Variants in APP observed in about 807,000 individuals in gnomAD.
APP encodes the protein amyloid beta precursor protein.
Under a neutral mutation model 101.4 loss-of-function variants are expected in APP, and 31 were observed. The observed-to-expected ratio is 0.31, with a 90% CI of 0.23 to 0.41. APP has a LOEUF of 0.41. Ranked by LOEUF, APP falls within the 10% of genes least tolerant of loss-of-function variation. The pLI is 1.00. For synonymous variants in APP, 366 were observed against 364.4 expected, an observed-to-expected ratio of 1.00 and a Z score of -0.05; for missense variants, 839 against 1,003.7, an observed-to-expected ratio of 0.84 and a Z score of 2.22.
intron 2 of APP, among the ~76,000 whole-genome samples, chr21:26,097,175 G>A (rs886152564): frequency 6.6e-5 from 10 of 152,276 alleles, no homozygotes; most frequent in African/African-American, 2.2e-4. Context: ...ATCTCTGTGC[G>A]CAGACCATTC....
intron 3 of APP, among the ~76,000 whole-genome samples, chr21:26,056,312 A>G (rs766120060): frequency 1.4e-4 from 21 of 152,354 alleles, no homozygotes; most frequent in Non-Finnish European, 2.8e-4. Flanking sequence ...TGCCGGGATT[A>G]CAGACATGAG....
chr21:26,127,046 A>AC (rs1276795954), intron 1 of APP, among the ~76,000 whole-genome samples: 1 of 152,120 alleles, frequency 6.6e-6, no homozygotes, highest in Non-Finnish European at 1.5e-5. Context: ...AAGCAAGATA[A>AC]CCCCTTCAAC....
At chr21:26,088,586 C>G (rs571718586) in intron 3 of APP, among the ~76,000 whole-genome samples, 37 of 152,304 alleles carry the variant, frequency 2.4e-4, no homozygotes, top group African/African-American at 7.5e-4. Context: ...TGTTCAATCT[C>G]TGTGTGTTAT....
At chr21:26,126,951 A>G (rs1376431977) in intron 1 of APP, among the ~76,000 whole-genome samples, 4 of 151,212 alleles carry the variant, frequency 2.6e-5, no homozygotes, top group African/African-American at 9.8e-5. Context: ...TAAATCCTAC[A>G]AAATACAGCC....
chr21:25,998,607 T>G (rs1252647704), intron 7 of APP, among the ~76,000 whole-genome samples: 1 of 152,070 alleles, frequency 6.6e-6, no homozygotes, highest in Non-Finnish European at 1.5e-5. Context: ...GCAAAACAAT[T>G]TATATAATCC....
At chr21:26,056,463 A>G (rs2046045578) in intron 3 of APP, among the ~76,000 whole-genome samples, 1 of 152,188 alleles carries the variant, frequency 6.6e-6, no homozygotes. Context: ...CATCTGGCAG[A>G]AAATCTATCC....
chr21:25,892,967 A>AAT (rs2037796474), intron 16 of APP, among the ~76,000 whole-genome samples: 1 of 124,002 alleles, frequency 8.1e-6, no homozygotes, highest in African/African-American at 2.9e-5. Flanking sequence ...AAAAACAAAA[A>AAT]GGTTTCTGGT....
chr21:26,014,614 G>C (rs1235827098), intron 6 of APP, among the ~76,000 whole-genome samples: 2 of 152,192 alleles, frequency 1.3e-5, no homozygotes, highest in Non-Finnish European at 2.9e-5. Context: ...GGACAATGCA[G>C]ATATGGCTAG....
Position 25,997,436 on chromosome 21 carries a change from A to C in APP, c.1034-20T>G, listed in dbSNP as rs372561473. The C allele has an allele frequency of 6.2e-7, 1 of 1,600,838 alleles. No individual in the cohort carries two copies. The highest frequency in any genetic ancestry group is 8.6e-7 in the Non-Finnish European group (1 of 1,167,948). On this transcript the variant is annotated intron_variant, in intron 7 of 17. Transcript: ENST00000346798. ...GGGACACTATGGAAAAAATAAGAGA[A>C]CATAACTAAAAACAAAAAGAGAAAC...
intron 16 of APP, among the ~76,000 whole-genome samples, chr21:25,897,227 G>A (rs1375680384): frequency 2.6e-5 from 4 of 151,480 alleles, no homozygotes; most frequent in Admixed American, 2.0e-4. Context: ...AGTCTCCTGC[G>A]TCAGCCTCCC....
intron 1 of APP, among the ~76,000 whole-genome samples, chr21:26,119,564 TATTTA>T (rs1048335228): frequency 1.3e-5 from 2 of 152,218 alleles, no homozygotes; most frequent in Non-Finnish European, 2.9e-5. Context: ...ACCCTTACTT[TATTTA>T]ATGTGTATTT....
At chr21:26,133,055 G>A (rs1003356496) in intron 1 of APP, among the ~76,000 whole-genome samples, 2 of 152,048 alleles carry the variant, frequency 1.3e-5, no homozygotes, top group Admixed American at 1.3e-4. Flanking sequence ...TGGGCAACAT[G>A]GCAAAACCCC....
chr21:25,950,305 A>T (rs1181304716), intron 13 of APP, among the ~76,000 whole-genome samples: 2 of 151,738 alleles, frequency 1.3e-5, no homozygotes, highest in African/African-American at 4.8e-5. Flanking sequence ...GGTTTATAGG[A>T]CTTGGGCATT....
intron 13 of APP, among the ~76,000 whole-genome samples, chr21:25,921,560 C>G (rs368791564): frequency 1.4e-5 from 2 of 146,852 alleles, no homozygotes; most frequent in Non-Finnish European, 3.0e-5. Flanking sequence ...ACCGATCCCA[C>G]AGAAATACAA....
At chr21:26,021,484 A>T (rs2044335329) in intron 6 of APP, among the ~76,000 whole-genome samples, 1 of 152,168 alleles carries the variant, frequency 6.6e-6, no homozygotes, top group Non-Finnish European at 1.5e-5. Flanking sequence ...TCTAGGTGGT[A>T]ACAGACAATA....
At chr21:25,897,730 A>G (rs2038173633) in intron 15 of APP, 57 bp from the exon 16 acceptor site, 1 of 1,428,120 alleles carries the variant, frequency 7.0e-7, no homozygotes, top group Non-Finnish European at 9.9e-7. Context: ...ACTCATAAAT[A>G]ATAACACTGT....
chr21:26,003,066 T>A lies in APP; in HGVS notation c.866-2884A>T, dbSNP rs552359295. On this transcript the variant is annotated intron_variant, in intron 6 of 17. Transcript: ENST00000346798. ...CCAGTCCAGAATCTAAATGGCATTA[T>A]ATTAACATTTTCCTATACCACTAAT... 4.6e-5 allele frequency among the ~76,000 whole-genome samples: 7 copies of A among 152,356 alleles called. No individual in the cohort carries two copies. In the East Asian group the frequency reaches 1.3e-3, roughly 29 times the overall value.
chr21:26,106,227 C>A (rs983803680), intron 2 of APP, among the ~76,000 whole-genome samples: 3 of 152,110 alleles, frequency 2.0e-5, no homozygotes, highest in African/African-American at 7.2e-5. Flanking sequence ...ACAAAAGAGA[C>A]CCTAATGGGG....
intron 5 of APP, among the ~76,000 whole-genome samples, chr21:26,033,205 C>G (rs937240341): frequency 6.6e-6 from 1 of 152,126 alleles, no homozygotes; most frequent in African/African-American, 2.4e-5. Flanking sequence ...AGAGAAAGAC[C>G]TGGTGGGACG....
Sources: allele counts gnomAD v4.1 joint callset (sites outside exome capture counted in the v4.1 genomes callset), GRCh38; gene constraint gnomAD v4.1.1; transcripts MANE v1.5; gene names NCBI Gene and HGNC (gene_info 2026-07-23, HGNC 2026-07-21).